The following RALGPS1 variants were observed in gnomAD, a reference collection of about 807,000 sequenced individuals.
The protein encoded by RALGPS1 is ras-specific guanine nucleotide-releasing factor RalGPS1.
In RALGPS1, 19 loss-of-function variants were observed where a neutral mutation model predicts 78.8. The ratio of observed to expected loss-of-function variants is 0.24; its 90% confidence interval spans 0.17 to 0.35. RALGPS1 has a LOEUF of 0.35. Among genes scored for constraint, RALGPS1 ranks in the 10% least tolerant of loss-of-function variants. RALGPS1 has a pLI of 1.00. For synonymous variants in RALGPS1, 228 were observed against 256.3 expected, an observed-to-expected ratio of 0.89 and a Z score of 1.06; for missense variants, 454 against 688.3, an observed-to-expected ratio of 0.66 and a Z score of 3.81.
chr9:126,973,824 C>T (rs1321000042), intron 3 of RALGPS1, among the ~76,000 whole-genome samples: 1 of 152,160 alleles, frequency 6.6e-6, no homozygotes, highest in Admixed American at 6.5e-5. Context: ...TTCTAGTTAC[C>T]TCATGTAAGT....
chr9:127,193,768 G>T (rs1056588088), intron 11 of RALGPS1, among the ~76,000 whole-genome samples: 3 of 152,146 alleles, frequency 2.0e-5, no homozygotes, highest in African/African-American at 7.2e-5. Context: ...TCCAGCCATG[G>T]CCAGGCAGCC....
chr9:126,915,402 G>C (rs980189958), intron 1 of RALGPS1: 3 of 150,740 alleles, frequency 2.0e-5, no homozygotes, highest in Non-Finnish European at 3.0e-5. Flanking sequence ...GCACAGGTGC[G>C]GGGGGCGGGG....
At chr9:127,055,869 C>T (rs1341127743) in intron 7 of RALGPS1, among the ~76,000 whole-genome samples, 1 of 152,226 alleles carries the variant, frequency 6.6e-6, no homozygotes, top group Non-Finnish European at 1.5e-5. Context: ...ACCAGTGCCT[C>T]CCAGGCCTTT....
rs1301455607 is a variant in RALGPS1 at position 127,070,956 on chromosome 9, A to G, written c.610+1600A>G. Among the ~76,000 whole-genome samples the G allele has an allele frequency of 2.6e-5, 4 of 151,430 alleles. No homozygotes were observed. In the East Asian group the frequency reaches 7.7e-4, roughly 29 times the overall value. On this transcript the variant is annotated intron_variant, in intron 8 of 18. Coordinates refer to ENST00000259351, the MANE Select transcript of RALGPS1 (RefSeq NM_014636.3). ...AATTGTCCATTTGTTCCAGATTTTC[A>G]ATATTACTAGCATAGTTTTTTTCTT...
At chr9:126,947,812 C>T (rs991388659) in intron 1 of RALGPS1, among the ~76,000 whole-genome samples, 2 of 152,148 alleles carry the variant, frequency 1.3e-5, no homozygotes, top group Non-Finnish European at 2.9e-5. Flanking sequence ...GTGCTCTGAG[C>T]CTTGTCTATA....
At chr9:127,187,380 GCCA>G (rs893073882) in intron 11 of RALGPS1, among the ~76,000 whole-genome samples, 3 of 152,130 alleles carry the variant, frequency 2.0e-5, no homozygotes, top group Admixed American at 6.5e-5. Flanking sequence ...TTCCTCCCCA[GCCA>G]CCACAAGAGT....
At chr9:127,070,119 G>GAAA (rs2050065432) in intron 8 of RALGPS1, 1 of 152,138 alleles carries the variant, frequency 6.6e-6, no homozygotes, top group South Asian at 2.1e-4. Flanking sequence ...GGATGAAGCT[G>GAAA]TTCCACCTCA....
At chr9:127,171,247 T>C (rs1030768699) in intron 10 of RALGPS1, among the ~76,000 whole-genome samples, 8 of 152,304 alleles carry the variant, frequency 5.3e-5, no homozygotes, top group African/African-American at 1.9e-4. Context: ...AAAATGTGTA[T>C]ATATGTAGGG....
intron 4 of RALGPS1, among the ~76,000 whole-genome samples, chr9:127,024,819 T>C (rs1218300076): frequency 6.6e-6 from 1 of 152,234 alleles, no homozygotes; most frequent in African/African-American, 2.4e-5. Context: ...CCTGCTCCAG[T>C]GTGAACTAGT....
At chr9:126,980,619 A>G (rs1234090695) in intron 4 of RALGPS1, among the ~76,000 whole-genome samples, 1 of 152,178 alleles carries the variant, frequency 6.6e-6, no homozygotes, top group Non-Finnish European at 1.5e-5. Context: ...TGATTGTAAG[A>G]CTGATAGCAG....
intron 7 of RALGPS1, among the ~76,000 whole-genome samples, chr9:127,063,814 C>T (rs949774095): frequency 6.6e-6 from 1 of 152,144 alleles, no homozygotes; most frequent in Non-Finnish European, 1.5e-5. Context: ...TGTAAATAGT[C>T]CATTATCTTG....
In RALGPS1 at chr9:127,106,752, C is replaced by T. The variant is rs1047405212; in HGVS notation, c.610+37396C>T. Among the ~76,000 whole-genome samples the T allele has an allele frequency of 2.0e-5, 3 of 152,230 alleles. No individual in the cohort carries two copies. The South Asian group carries it at 6.2e-4, about 32-fold the overall frequency. On this transcript the variant is annotated intron_variant, in intron 8 of 18. Transcript: ENST00000259351. ...CTGAAAACAATGCTGCCCTTGTCCT[C>T]TGCACTGGCCACCCTCCTGCACTCA...
At chr9:127,192,357 G>A (rs1018286990) in intron 11 of RALGPS1, among the ~76,000 whole-genome samples, 1 of 152,248 alleles carries the variant, frequency 6.6e-6, no homozygotes, top group Non-Finnish European at 1.5e-5. Context: ...GCAACCCACA[G>A]TGCCTCCAGC....
rs548570161 is a variant in RALGPS1 at position 127,126,107 on chromosome 9, C to A, written c.611-39962C>A. Among the ~76,000 whole-genome samples the A allele has an allele frequency of 7.2e-5, 11 of 152,218 alleles. 1 individual carries two copies. The South Asian group carries it at 2.1e-3, about 29-fold the overall frequency. ...AGAGTGCCACCATTATTTGAAGCTT[C>A]ACACATCCCAAACTGACTCTTTCCC... is the stretch of plus-strand genomic sequence containing the variant. On this transcript the variant is annotated intron_variant, in intron 8 of 18. Coordinates refer to ENST00000259351, the MANE Select transcript of RALGPS1 (RefSeq NM_014636.3).
At position 127,212,101 on chromosome 9, in the gene RALGPS1, G is replaced by T; in HGVS notation, c.1248-30G>T. ...GGGTGCTTGACCTCAGCTCCTCCAG[G>T]GCGATGTCTGACTGGTAGTCTCTCC... On this transcript the variant is annotated intron_variant, in intron 14 of 18. Transcript: ENST00000259351. The surrounding 1 kb of genome is among the most constrained non-coding windows in gnomAD (Gnocchi z 6.0). The T allele has an allele frequency of 1.3e-6, 2 of 1,577,456 alleles. No individual in the cohort carries two copies. Among genetic ancestry groups the T allele is most frequent in the South Asian group, 2.3e-5 (2 of 87,020 alleles).
chr9:127,061,858 AC>A (rs1269988953), intron 7 of RALGPS1, among the ~76,000 whole-genome samples: 4 of 152,124 alleles, frequency 2.6e-5, no homozygotes, highest in Admixed American at 1.3e-4. Context: ...CCAGATCTGG[AC>A]CCTGAATGGG....
chr9:127,056,087 C>T (rs1010833404), intron 7 of RALGPS1, among the ~76,000 whole-genome samples: 3 of 152,230 alleles, frequency 2.0e-5, no homozygotes, highest in African/African-American at 7.2e-5. Context: ...TTCTGTTGCT[C>T]CTCTACTTCC....
rs542470059 is a variant in RALGPS1 at position 126,929,104 on chromosome 9, T to G, written c.-66+14129T>G. Among the ~76,000 whole-genome samples the G allele has an allele frequency of 2.6e-5, 4 of 152,354 alleles. No individual in the cohort carries two copies. In the South Asian group the frequency reaches 8.3e-4, roughly 32 times the overall value. Reference sequence around the variant, plus strand: ...GTGATGATAATGGTGATGACCATCATGTGAGTACCTCTGTAGATATCTCCA... The same window carrying G: ...GTGATGATAATGGTGATGACCATCAGGTGAGTACCTCTGTAGATATCTCCA... On this transcript the variant is annotated intron_variant, in intron 1 of 18. Coordinates refer to ENST00000259351, the MANE Select transcript of RALGPS1 (RefSeq NM_014636.3).
intron 1 of RALGPS1, among the ~76,000 whole-genome samples, chr9:126,935,682 T>G (rs991679097): frequency 1.3e-5 from 2 of 152,228 alleles, no homozygotes; most frequent in Non-Finnish European, 2.9e-5. Context: ...ATCAGTTGAT[T>G]GGTTCTCCTA....
Sources: gnomAD v4.1 joint callset for allele counts (sites outside exome capture counted in the v4.1 genomes callset) on GRCh38, gnomAD v4.1.1 for gene constraint, Gnocchi (gnomAD v3.1) non-coding constraint, MANE v1.5 for transcripts, NCBI Gene and HGNC (gene_info 2026-07-23, HGNC 2026-07-21) for gene names.